SPAG16: variants seen among roughly 807,000 people sequenced by gnomAD.
The protein encoded by SPAG16 is sperm associated antigen 16, also known as sperm-associated antigen 16 protein.
SPAG16 carries 86 observed loss-of-function variants against 80.4 expected under a neutral mutation model. That is an observed-to-expected ratio of 1.07 (90% CI 0.90 to 1.28). The LOEUF (loss-of-function observed/expected upper bound fraction) is 1.28, where lower values mean the gene tolerates loss of function less well. Ranked by LOEUF, SPAG16 falls within the 50% of genes most tolerant of loss-of-function variation. The pLI is 0.00. For missense variants in SPAG16, 870 were observed against 765.3 expected (o/e 1.14, Z -1.61); for synonymous variants, 294 against 265.9 (o/e 1.11, Z -1.03).
chr2:214,288,564 C>A (rs1201660711), intron 15 of SPAG16, among the ~76,000 whole-genome samples: 1 of 152,052 alleles, frequency 6.6e-6, no homozygotes, highest in Non-Finnish European at 1.5e-5. Flanking sequence ...GAGTTCCCTT[C>A]TCCTCACATC....
intron 10 of SPAG16, among the ~76,000 whole-genome samples, chr2:213,619,506 C>T (rs930575073): frequency 4.6e-5 from 7 of 151,912 alleles, no homozygotes; most frequent in African/African-American, 1.4e-4. Flanking sequence ...ACGGGCAAAG[C>T]GTATGAATAG....
intron 13 of SPAG16, among the ~76,000 whole-genome samples, chr2:214,093,788 C>T (rs903438290): frequency 9.2e-5 from 14 of 152,178 alleles, no homozygotes; most frequent in Non-Finnish European, 1.9e-4. Context: ...CAAATTAACT[C>T]TGCGATTGTA....
At chr2:213,977,091 T>C (rs1290629151) in intron 12 of SPAG16, among the ~76,000 whole-genome samples, 1 of 152,074 alleles carries the variant, frequency 6.6e-6, no homozygotes, top group Non-Finnish European at 1.5e-5. Flanking sequence ...TGCTATATTA[T>C]GTTGGTCAGA....
intron 15 of SPAG16, among the ~76,000 whole-genome samples, chr2:214,346,023 A>C (rs890135066): frequency 6.6e-6 from 1 of 152,216 alleles, no homozygotes; most frequent in African/African-American, 2.4e-5. Context: ...GAACATTCAC[A>C]AACATGTAAA....
chr2:213,321,160 C>CA (rs1468654068), intron 5 of SPAG16, among the ~76,000 whole-genome samples: 1 of 151,780 alleles, frequency 6.6e-6, no homozygotes, highest in Admixed American at 6.6e-5. Flanking sequence ...TTTTAATACA[C>CA]AAAAAAGTCA....
chr2:213,722,320 G>A (rs996076526), intron 10 of SPAG16, among the ~76,000 whole-genome samples: 1 of 152,164 alleles, frequency 6.6e-6, no homozygotes, highest in African/African-American at 2.4e-5. Flanking sequence ...ATAGTACTAA[G>A]CATCAGAAAA....
intron 10 of SPAG16, among the ~76,000 whole-genome samples, chr2:213,764,290 T>A (rs2068816413): frequency 6.6e-6 from 1 of 152,022 alleles, no homozygotes; most frequent in African/African-American, 2.4e-5. Context: ...ATGCTTGGAA[T>A]TTTTTTTCTT....
intron 11 of SPAG16, among the ~76,000 whole-genome samples, chr2:213,905,133 C>T (rs971313247): frequency 3.9e-5 from 6 of 151,942 alleles, no homozygotes; most frequent in African/African-American, 1.5e-4. Context: ...TCAAAAGACT[C>T]GATGGATTTG....
chr2:213,611,044 G>T (rs2061425347), intron 10 of SPAG16, among the ~76,000 whole-genome samples: 1 of 152,086 alleles, frequency 6.6e-6, no homozygotes, highest in African/African-American at 2.4e-5. Context: ...CAGCCTCATT[G>T]TCCTAGCTCC....
intron 15 of SPAG16, among the ~76,000 whole-genome samples, chr2:214,190,265 A>G (rs994648392): frequency 3.9e-5 from 6 of 152,096 alleles, no homozygotes; most frequent in African/African-American, 1.2e-4. Flanking sequence ...AAAAGGGAAT[A>G]TGAGTGGGAC....
At chr2:213,459,457 A>G (rs950709749) in intron 9 of SPAG16, among the ~76,000 whole-genome samples, 10 of 152,206 alleles carry the variant, frequency 6.6e-5, no homozygotes, top group Non-Finnish European at 1.0e-4. Flanking sequence ...CCTTAATCCA[A>G]TGGGTGATTG....
At chr2:214,339,731 C>T (rs760396340) in intron 15 of SPAG16, among the ~76,000 whole-genome samples, 8 of 151,998 alleles carry the variant, frequency 5.3e-5, no homozygotes, top group Non-Finnish European at 1.0e-4. Flanking sequence ...ATTAAAATAC[C>T]ACCTTGTCTT....
chr2:213,687,471 T>G (rs2064737689), intron 10 of SPAG16, among the ~76,000 whole-genome samples: 1 of 152,212 alleles, frequency 6.6e-6, no homozygotes, highest in African/African-American at 2.4e-5. Context: ...AATTGGTTCA[T>G]TTTCTTTGTC....
At chr2:214,383,668 T>A (rs1700588980) in intron 15 of SPAG16, among the ~76,000 whole-genome samples, 1 of 152,112 alleles carries the variant, frequency 6.6e-6, no homozygotes, top group Non-Finnish European at 1.5e-5. Flanking sequence ...GAAAGACCAT[T>A]CCGGCCAGAC....
chr2:213,435,978 C>T (rs2070615526), intron 9 of SPAG16, among the ~76,000 whole-genome samples: 1 of 152,058 alleles, frequency 6.6e-6, no homozygotes, highest in South Asian at 2.1e-4. Flanking sequence ...CCAGATATTC[C>T]TTTTATTCTT....
intron 13 of SPAG16, among the ~76,000 whole-genome samples, chr2:214,039,490 A>G (rs938889321): frequency 1.3e-5 from 2 of 152,188 alleles, no homozygotes; most frequent in Admixed American, 1.3e-4. Context: ...CAGCAAAAGA[A>G]ACTACCATCA....
At chr2:213,552,360 T>C (rs930956462) in intron 10 of SPAG16, among the ~76,000 whole-genome samples, 1 of 152,194 alleles carries the variant, frequency 6.6e-6, no homozygotes, top group Non-Finnish European at 1.5e-5. Context: ...CGAGCCCTGC[T>C]TCTTCATGCT....
At chr2:214,030,998 T>G (rs912982824) in intron 13 of SPAG16, among the ~76,000 whole-genome samples, 2 of 152,204 alleles carry the variant, frequency 1.3e-5, no homozygotes, top group African/African-American at 2.4e-5. Flanking sequence ...GTCTTTGTAT[T>G]AGTTTGTTCT....
At chr2:213,466,716 C>T (rs2072718457) in intron 9 of SPAG16, among the ~76,000 whole-genome samples, 1 of 152,192 alleles carries the variant, frequency 6.6e-6, no homozygotes, top group Non-Finnish European at 1.5e-5. Flanking sequence ...GGCTTACTGC[C>T]TTCCTGAGTG....
Sources: allele counts gnomAD v4.1 joint callset (sites outside exome capture counted in the v4.1 genomes callset), GRCh38; gene constraint gnomAD v4.1.1; transcripts MANE v1.5; gene names NCBI Gene and HGNC (gene_info 2026-07-23, HGNC 2026-07-21).